ADK: variants seen among roughly 807,000 people sequenced by gnomAD.
ADK encodes the protein N6,N6-dimethyladenosine kinase.
In ADK, 24 loss-of-function variants were observed where a neutral mutation model predicts 44.7. That is an observed-to-expected ratio of 0.54 (90% CI 0.39 to 0.76). The LOEUF (loss-of-function observed/expected upper bound fraction) is 0.76, where lower values mean the gene tolerates loss of function less well. Ranked by LOEUF, ADK falls within the 30% of genes least tolerant of loss-of-function variation. The pLI is 0.00. For missense variants in ADK, 321 were observed against 425.1 expected, an observed-to-expected ratio of 0.76 and a Z score of 2.15; for synonymous variants, 128 against 142.6, an observed-to-expected ratio of 0.90 and a Z score of 0.73.
At chr10:74,290,108 A>G (rs1284117944) in intron 3 of ADK, among the ~76,000 whole-genome samples, 1 of 151,778 alleles carries the variant, frequency 6.6e-6, no homozygotes, top group Non-Finnish European at 1.5e-5. Flanking sequence ...ACACTCACAC[A>G]CACTCACATA....
At chr10:74,356,018 T>TG (rs1564672725) in intron 4 of ADK, among the ~76,000 whole-genome samples, 1 of 135,176 alleles carries the variant, frequency 7.4e-6, no homozygotes, top group Non-Finnish European at 1.6e-5. Flanking sequence ...TTTTTTTTTT[T>TG]TTTTTTTTTT....
intron 6 of ADK, among the ~76,000 whole-genome samples, chr10:74,509,707 C>G (rs1442609001): frequency 6.6e-6 from 1 of 152,060 alleles, no homozygotes; most frequent in African/African-American, 2.4e-5. Flanking sequence ...ATTTTGGTAT[C>G]CTTTAACAAA....
chr10:74,248,384 G>A (rs1264787999), intron 3 of ADK, among the ~76,000 whole-genome samples: 1 of 151,222 alleles, frequency 6.6e-6, no homozygotes, highest in East Asian at 1.9e-4. Context: ...TTTTTGAGGT[G>A]GAGTCTCGCT....
intron 1 of ADK, among the ~76,000 whole-genome samples, chr10:74,191,290 A>AT (rs1187733015): frequency 1.3e-5 from 2 of 151,562 alleles, no homozygotes; most frequent in African/African-American, 4.9e-5. Context: ...AAGTCTTGAC[A>AT]TTTTTTTGCC....
At chr10:74,296,406 T>A (rs569297473) in intron 3 of ADK, among the ~76,000 whole-genome samples, 1 of 152,214 alleles carries the variant, frequency 6.6e-6, no homozygotes, top group East Asian at 1.9e-4. Flanking sequence ...GTAAAACATA[T>A]GAAAGGATGT....
intron 6 of ADK, among the ~76,000 whole-genome samples, chr10:74,474,998 A>C (rs999740564): frequency 6.6e-6 from 1 of 152,004 alleles, no homozygotes; most frequent in Non-Finnish European, 1.5e-5. Context: ...GGTGGCACGC[A>C]CCTGTAATCC....
In ADK at chr10:74,153,652, G is replaced by A. The variant is rs548863532; in HGVS notation, c.65+2309G>A. On this transcript the variant is annotated intron_variant, in intron 1 of 10. Coordinates refer to ENST00000539909, the MANE Select transcript of ADK (RefSeq NM_006721.4). The stretch of plus-strand genomic sequence containing the variant: ...TTTTAACCCTCCCAGTGACCTATGA[G>A]GTAGGAGCAATGATTCCTGTGTTAC... Among the ~76,000 whole-genome samples, 11 of 152,326 alleles carry A rather than the reference G, an allele frequency of 7.2e-5. No individual in the cohort carries two copies. In the South Asian group the frequency reaches 1.4e-3, roughly 20 times the overall value.
At chr10:74,618,760 A>G (rs1852870765) in intron 9 of ADK, among the ~76,000 whole-genome samples, 1 of 151,916 alleles carries the variant, frequency 6.6e-6, no homozygotes, top group Admixed American at 6.6e-5. Context: ...GCTCTTTTAT[A>G]TATAATATTT....
chr10:74,328,376 A>G (rs2131840139), intron 4 of ADK, among the ~76,000 whole-genome samples: 1 of 124,084 alleles, frequency 8.1e-6, no homozygotes, highest in Non-Finnish European at 1.8e-5. Context: ...GCCACTTCCC[A>G]CTCATTTTTT....
At chr10:74,676,031 A>T (rs1855375840) in intron 10 of ADK, among the ~76,000 whole-genome samples, 1 of 130,834 alleles carries the variant, frequency 7.6e-6, no homozygotes, top group Non-Finnish European at 1.6e-5. Context: ...CCAAGAACCA[A>T]CATTCTTAGA....
chr10:74,224,909 G>T (rs2132245871), intron 3 of ADK, among the ~76,000 whole-genome samples: 1 of 152,010 alleles, frequency 6.6e-6, no homozygotes, highest in African/African-American at 2.4e-5. Flanking sequence ...TTTTCTTTCT[G>T]ACTGCTCTAC....
chr10:74,689,582 A>G (rs1855912516), intron 10 of ADK, among the ~76,000 whole-genome samples: 1 of 152,214 alleles, frequency 6.6e-6, no homozygotes, highest in African/African-American at 2.4e-5. Context: ...CAAAATGTCC[A>G]GTGGGAAGGG....
At chr10:74,387,537 C>G (rs907196431) in intron 4 of ADK, among the ~76,000 whole-genome samples, 1 of 152,288 alleles carries the variant, frequency 6.6e-6, no homozygotes, top group East Asian at 1.9e-4. Context: ...TGCTGTATGA[C>G]TCTTTTTTCT....
intron 7 of ADK, among the ~76,000 whole-genome samples, chr10:74,560,240 G>A (rs1850408092): frequency 6.6e-6 from 1 of 152,040 alleles, no homozygotes; most frequent in Admixed American, 6.6e-5. Context: ...TTTATTTTCG[G>A]TGCTTTTTTT....
chr10:74,167,620 C>T (rs541148317), intron 1 of ADK, among the ~76,000 whole-genome samples: 2 of 152,160 alleles, frequency 1.3e-5, no homozygotes, highest in Admixed American at 1.3e-4. Context: ...GGACTTCTCA[C>T]GTGGCAGCTC....
At chr10:74,681,487 A>C (rs1855595919) in intron 10 of ADK, among the ~76,000 whole-genome samples, 1 of 152,218 alleles carries the variant, frequency 6.6e-6, no homozygotes, top group African/African-American at 2.4e-5. Flanking sequence ...TGCAAATACG[A>C]GACAAGAAGC....
chr10:74,523,624 T>C (rs1848925012), intron 6 of ADK, among the ~76,000 whole-genome samples: 1 of 152,202 alleles, frequency 6.6e-6, no homozygotes, highest in South Asian at 2.1e-4. Flanking sequence ...TTCTGGTAGA[T>C]ACTTAGAGAT....
intron 7 of ADK, among the ~76,000 whole-genome samples, chr10:74,566,996 T>C (rs1850693702): frequency 1.3e-5 from 2 of 152,164 alleles, no homozygotes; most frequent in Non-Finnish European, 2.9e-5. Flanking sequence ...AATTTTAGAG[T>C]TAGAAAAGAC....
intron 8 of ADK, among the ~76,000 whole-genome samples, chr10:74,593,691 G>A (rs1851798348): frequency 6.6e-6 from 1 of 152,070 alleles, no homozygotes; most frequent in Non-Finnish European, 1.5e-5. Flanking sequence ...TTTCTATTTG[G>A]AAAACAAAAC....
Sources: gnomAD v4.1 joint callset for allele counts (sites outside exome capture counted in the v4.1 genomes callset) on GRCh38, gnomAD v4.1.1 for gene constraint, MANE v1.5 for transcripts, NCBI Gene and HGNC (gene_info 2026-07-23, HGNC 2026-07-21) for gene names.